The following NCOA2 variants were observed in gnomAD, a reference collection of about 807,000 sequenced individuals.
The protein encoded by NCOA2 is nuclear receptor coactivator 2.
Under a neutral mutation model 145.1 loss-of-function variants are expected in NCOA2, and 21 were observed. That is an observed-to-expected ratio of 0.14 (90% CI 0.10 to 0.21). The LOEUF (loss-of-function observed/expected upper bound fraction) is 0.21. Ranked by LOEUF, NCOA2 falls within the 10% of genes least tolerant of loss-of-function variation. NCOA2 has a pLI of 1.00. For synonymous variants in NCOA2, 619 were observed against 637.5 expected, an observed-to-expected ratio of 0.97 and a Z score of 0.44; for missense variants, 1,472 against 1,837.6, an observed-to-expected ratio of 0.80 and a Z score of 3.64.
In NCOA2 at chr8:70,113,429, C is replaced by T. The variant is rs1585684482; in HGVS notation, c.*203G>A. The T allele has an allele frequency of 1.7e-6, 1 of 605,598 alleles. No homozygotes were observed. The highest frequency in any genetic ancestry group is 2.9e-6 in the Non-Finnish European group (1 of 339,482). 37.5% of individuals were successfully genotyped at this position (605,598 alleles called of 1,614,324 possible). A position where few individuals can be genotyped will look rare whatever the true frequency, so the allele number is the denominator to read the frequency against. On this transcript the variant is annotated 3_prime_UTR_variant, in exon 23 of 23. Coordinates refer to ENST00000452400, the MANE Select transcript of NCOA2 (RefSeq NM_006540.4). ...GACTGAGCGACTGTCTGGATGCGAGCTTCAGACTGTCAAGAGAAGAGGCAG... is the reference window on the plus strand; with the variant it reads ...GACTGAGCGACTGTCTGGATGCGAGTTTCAGACTGTCAAGAGAAGAGGCAG...
intron 1 of NCOA2, among the ~76,000 whole-genome samples, chr8:70,324,334 GT>G (rs551560454): frequency 1.3e-5 from 2 of 151,634 alleles, no homozygotes; most frequent in African/African-American, 2.4e-5. Flanking sequence ...TAATATCTTT[GT>G]TTTTTTTAGG....
intron 2 of NCOA2, among the ~76,000 whole-genome samples, chr8:70,267,431 G>A (rs1458430320): frequency 7.9e-6 from 1 of 126,570 alleles, no homozygotes; most frequent in Non-Finnish European, 1.6e-5. Flanking sequence ...ATAGGGCCTC[G>A]CTCTGTCACC....
the NCOA2 span, among the ~76,000 whole-genome samples, chr8:70,434,940 A>C: frequency 6.6e-6 from 1 of 152,128 alleles, no homozygotes; most frequent in African/African-American, 2.4e-5. Flanking sequence ...CTCAGCCTTC[A>C]TTTTCATTGC....
intron 11 of NCOA2, among the ~76,000 whole-genome samples, chr8:70,152,887 GTTTGT>G (rs778586980): frequency 7.2e-5 from 11 of 152,128 alleles, no homozygotes; most frequent in East Asian, 3.8e-4. Flanking sequence ...CTCATTAATA[GTTTGT>G]TTTATCTCAC....
chr8:70,437,056 C>T, the NCOA2 span, among the ~76,000 whole-genome samples: 1 of 152,248 alleles, frequency 6.6e-6, no homozygotes. Flanking sequence ...TGGAGCTTCA[C>T]CTGAACATGT....
chr8:70,262,988 T>C (rs1172929085), intron 2 of NCOA2, among the ~76,000 whole-genome samples: 1 of 151,836 alleles, frequency 6.6e-6, no homozygotes, highest in Non-Finnish European at 1.5e-5. Flanking sequence ...AATTCATTAT[T>C]ACTACAGATT....
chr8:70,386,864 T>C (rs751770544), intron 1 of NCOA2, among the ~76,000 whole-genome samples: 12 of 152,152 alleles, frequency 7.9e-5, no homozygotes, highest in Non-Finnish European at 1.8e-4. Flanking sequence ...AACAGGTCCA[T>C]CCAGAGGCAG....
chr8:70,173,710 T>C (rs1342662296), intron 5 of NCOA2, among the ~76,000 whole-genome samples: 2 of 152,198 alleles, frequency 1.3e-5, no homozygotes, highest in Admixed American at 6.5e-5. Context: ...GAAATGAAGT[T>C]TGTCATTTCT....
chr8:70,235,186 T>C (rs533437026), intron 2 of NCOA2, among the ~76,000 whole-genome samples: 30 of 152,316 alleles, frequency 2.0e-4, no homozygotes, highest in African/African-American at 6.5e-4. Context: ...TGGATGAACC[T>C]TGAGAATACC....
chr8:70,209,810 A>G (rs1441477228), intron 4 of NCOA2, among the ~76,000 whole-genome samples: 1 of 152,240 alleles, frequency 6.6e-6, no homozygotes, highest in Non-Finnish European at 1.5e-5. Flanking sequence ...TGGAAAAACA[A>G]AAAATTCATG....
chr8:70,164,896 A>G (rs145781140), intron 7 of NCOA2, among the ~76,000 whole-genome samples: 8 of 152,016 alleles, frequency 5.3e-5, no homozygotes, highest in African/African-American at 1.9e-4. Context: ...ACGTAGTAGC[A>G]TTATTTCCAT....
At chr8:70,303,769 AAC>A (rs1405383169) in intron 1 of NCOA2, among the ~76,000 whole-genome samples, 2 of 152,108 alleles carry the variant, frequency 1.3e-5, no homozygotes. Flanking sequence ...AAAAACTGAC[AAC>A]AGTCTTTAAC....
intron 1 of NCOA2, among the ~76,000 whole-genome samples, chr8:70,330,485 T>G (rs1402987574): frequency 6.6e-6 from 1 of 151,138 alleles, no homozygotes; most frequent in East Asian, 1.9e-4. Flanking sequence ...ATGGAAAGAT[T>G]GTTGGAGCCC....
intron 1 of NCOA2, among the ~76,000 whole-genome samples, chr8:70,326,427 T>TCACA (rs1256847803): frequency 5.7e-5 from 8 of 139,340 alleles, no homozygotes; most frequent in Admixed American, 4.0e-4. Flanking sequence ...CATTTCTCTC[T>TCACA]CTCACACACA....
At chr8:70,223,188 T>C (rs1233511760) in intron 2 of NCOA2, among the ~76,000 whole-genome samples, 2 of 152,242 alleles carry the variant, frequency 1.3e-5, no homozygotes, top group African/African-American at 4.8e-5. Flanking sequence ...AAAGAAGTCA[T>C]CAAATCAAGG....
chr8:70,175,778 A>G (rs1738096175), intron 4 of NCOA2, among the ~76,000 whole-genome samples: 1 of 152,236 alleles, frequency 6.6e-6, no homozygotes, highest in African/African-American at 2.4e-5. Context: ...TCCTGTTTAC[A>G]CTGCATGTTA....
chr8:70,361,837 AGT>A (rs796769667), intron 1 of NCOA2, among the ~76,000 whole-genome samples: 7 of 152,364 alleles, frequency 4.6e-5, no homozygotes, highest in African/African-American at 1.7e-4. Context: ...ACAGTTTAAC[AGT>A]GAAGTAGGAG....
Position 70,260,199 on chromosome 8 carries a change from A to T in NCOA2, c.-20+36545T>A, listed in dbSNP as rs369071479. On this transcript the variant is annotated intron_variant, in intron 2 of 22. Coordinates refer to ENST00000452400, the MANE Select transcript of NCOA2 (RefSeq NM_006540.4). ...CTGTGTTTTGCTTTGTTTTTTTGAGACAGGGTCTCGGTCTGTCGCCCAGGC... is the reference window on the plus strand; with the variant it reads ...CTGTGTTTTGCTTTGTTTTTTTGAGTCAGGGTCTCGGTCTGTCGCCCAGGC... 6.6e-5 allele frequency among the ~76,000 whole-genome samples: 10 copies of T among 152,268 alleles called. No homozygotes were observed. The South Asian group carries it at 2.1e-3, about 32-fold the overall frequency.
chr8:70,120,606 AGCTACTCAAGAG>A, intron 22 of NCOA2, among the ~76,000 whole-genome samples: 1 of 152,298 alleles, frequency 6.6e-6, no homozygotes, highest in East Asian at 1.9e-4. Context: ...CTGTAATCCC[AGCTACTCAAGAG>A]GCTGAGGCAG....
Sources: allele counts gnomAD v4.1 joint callset (sites outside exome capture counted in the v4.1 genomes callset), GRCh38; gene constraint gnomAD v4.1.1; transcripts MANE v1.5; gene names NCBI Gene and HGNC (gene_info 2026-07-23, HGNC 2026-07-21).